LMX1A: variants seen among roughly 807,000 people sequenced by gnomAD.
The protein encoded by LMX1A is LIM homeobox transcription factor 1-alpha.
LMX1A carries 15 observed loss-of-function variants against 49.1 expected under a neutral mutation model. That is an observed-to-expected ratio of 0.31 (90% CI 0.20 to 0.47). LMX1A has a LOEUF of 0.47. Among genes scored for constraint, LMX1A ranks in the 20% least tolerant of loss-of-function variants. LMX1A has a pLI of 1.00. For synonymous variants in LMX1A, 167 were observed against 185.7 expected, an observed-to-expected ratio of 0.90 and a Z score of 0.82; for missense variants, 372 against 475.8, an observed-to-expected ratio of 0.78 and a Z score of 2.03.
At chr1:165,257,747 CAG>C (rs1423329260) in intron 3 of LMX1A, among the ~76,000 whole-genome samples, 1 of 152,148 alleles carries the variant, frequency 6.6e-6, no homozygotes, top group Non-Finnish European at 1.5e-5. Flanking sequence ...GAAGTCCACC[CAG>C]AGAGAGGCTA....
In LMX1A at chr1:165,202,564, C is replaced by G. The variant is rs1351906911; in HGVS notation, c.*1316G>C. The G allele has an allele frequency of 3.9e-5, 6 of 152,188 alleles. No individual in the cohort carries two copies. The highest frequency in any genetic ancestry group is 1.4e-4 in the African/African-American group (6 of 41,524). The allele number at this position is 152,188 out of a possible 1,614,324, so 9.4% of individuals were successfully genotyped here. ...CACAGACAGCCTGTTATATATTCTT[C>G]TTCTCCTTTTTTTTAATGACCTCAA... On this transcript the variant is annotated 3_prime_UTR_variant, in exon 9 of 9. Transcript: ENST00000342310.
intron 4 of LMX1A, among the ~76,000 whole-genome samples, chr1:165,246,465 C>A (rs1276236819): frequency 2.6e-5 from 4 of 152,164 alleles, no homozygotes; most frequent in Non-Finnish European, 5.9e-5. Flanking sequence ...CCCTCCCCTC[C>A]CACCTCATCA....
chr1:165,283,861 T>C (rs1654225879), intron 3 of LMX1A, among the ~76,000 whole-genome samples: 1 of 152,202 alleles, frequency 6.6e-6, no homozygotes, highest in Non-Finnish European at 1.5e-5. Context: ...ACTCTCATTG[T>C]CCACAATATG....
In LMX1A at chr1:165,343,251, C is replaced by T. The variant is rs118059995; in HGVS notation, c.263+9825G>A. 7.3e-4 allele frequency among the ~76,000 whole-genome samples: 111 copies of T among 152,168 alleles called. 3 individuals carry two copies. The East Asian group carries it at 0.021, about 28-fold the overall frequency. On this transcript the variant is annotated intron_variant, in intron 3 of 8. Coordinates refer to ENST00000342310, the MANE Select transcript of LMX1A (RefSeq NM_177398.4). ...GGGCACAGAACAAGTAAGACCCTTG[C>T]CCATGGTAACACAGCTAAGGAACAG...
chr1:165,308,602 C>G (rs1413316446), intron 3 of LMX1A, among the ~76,000 whole-genome samples: 1 of 152,214 alleles, frequency 6.6e-6, no homozygotes, highest in South Asian at 2.1e-4. Flanking sequence ...TTAGTCCTCA[C>G]AACGATTCTA....
At chr1:165,311,749 TCAGGCTTC>T in intron 3 of LMX1A, among the ~76,000 whole-genome samples, 1 of 152,204 alleles carries the variant, frequency 6.6e-6, no homozygotes, top group Admixed American at 6.5e-5. Context: ...AGCAAGCTCT[TCAGGCTTC>T]TCCTGCACAA....
At chr1:165,273,874 T>A (rs938979927) in intron 3 of LMX1A, among the ~76,000 whole-genome samples, 2 of 152,164 alleles carry the variant, frequency 1.3e-5, no homozygotes, top group Non-Finnish European at 2.9e-5. Flanking sequence ...TGGGAGGGCA[T>A]AGAGGACCAT....
intron 2 of LMX1A, among the ~76,000 whole-genome samples, chr1:165,353,729 G>A (rs67338345): frequency 0.3 from 44,871 of 151,978 alleles, 6,752 homozygotes; most frequent in African/African-American, 0.32. Context: ...TTTTGAGGGG[G>A]AACAAAATTT....
intron 4 of LMX1A, among the ~76,000 whole-genome samples, chr1:165,234,085 A>G (rs1652334149): frequency 6.6e-6 from 1 of 152,090 alleles, no homozygotes; most frequent in East Asian, 1.9e-4. Flanking sequence ...ACTTTCCACA[A>G]CCATCAGAGT....
intron 3 of LMX1A, among the ~76,000 whole-genome samples, chr1:165,273,385 A>T (rs1409468202): frequency 6.6e-6 from 1 of 152,144 alleles, no homozygotes; most frequent in African/African-American, 2.4e-5. Context: ...AAGTCCCAAG[A>T]CACACAATCT....
intron 4 of LMX1A, among the ~76,000 whole-genome samples, chr1:165,223,809 TA>T (rs34471342): frequency 0.11 from 16,537 of 144,758 alleles, 948 homozygotes; most frequent in Non-Finnish European, 0.13. Context: ...GTACAAACTT[TA>T]AAAAAAAAAA....
intron 3 of LMX1A, among the ~76,000 whole-genome samples, chr1:165,306,996 G>A (rs1654937209): frequency 6.6e-6 from 1 of 152,264 alleles, no homozygotes; most frequent in Non-Finnish European, 1.5e-5. Flanking sequence ...TCGGGCAGAA[G>A]CCAGAGGCTG....
intron 4 of LMX1A, chr1:165,218,597 G>A (rs1040725107): frequency 5.3e-5 from 8 of 152,244 alleles, no homozygotes; most frequent in African/African-American, 1.9e-4. Context: ...TTTCAGCAGG[G>A]GCAGACCTGC....
At chr1:165,220,783 C>G (rs1651815172) in intron 4 of LMX1A, among the ~76,000 whole-genome samples, 1 of 152,076 alleles carries the variant, frequency 6.6e-6, no homozygotes. Flanking sequence ...AAAGATTACT[C>G]TTTCTACGGG....
chr1:165,290,356 T>C (rs988198602), intron 3 of LMX1A, among the ~76,000 whole-genome samples: 1 of 152,242 alleles, frequency 6.6e-6, no homozygotes, highest in Non-Finnish European at 1.5e-5. Flanking sequence ...TCCTTGCTGC[T>C]TCTGGCTTCT....
intron 3 of LMX1A, among the ~76,000 whole-genome samples, chr1:165,251,050 A>G (rs1653043083): frequency 6.7e-6 from 1 of 149,002 alleles, no homozygotes; most frequent in African/African-American, 2.5e-5. Context: ...GGAGCTGGAC[A>G]TCATCTGGCA....
At chr1:165,242,104 A>G (rs1652675956) in intron 4 of LMX1A, among the ~76,000 whole-genome samples, 1 of 152,216 alleles carries the variant, frequency 6.6e-6, no homozygotes, top group Non-Finnish European at 1.5e-5. Flanking sequence ...AACAGGACAA[A>G]GTGAATTTAT....
chr1:165,236,855 T>G (rs1441365540), intron 4 of LMX1A, among the ~76,000 whole-genome samples: 2 of 143,490 alleles, frequency 1.4e-5, no homozygotes, highest in African/African-American at 5.8e-5. Flanking sequence ...GTTCAAAGTT[T>G]TTTTTTTTTT....
At chr1:165,243,032 T>G (rs1408166542) in intron 4 of LMX1A, among the ~76,000 whole-genome samples, 1 of 151,952 alleles carries the variant, frequency 6.6e-6, no homozygotes, top group African/African-American at 2.4e-5. Context: ...ATGAAAAAAT[T>G]TCATGAAATG....
Sources: gnomAD v4.1 joint callset for allele counts (sites outside exome capture counted in the v4.1 genomes callset) on GRCh38, gnomAD v4.1.1 for gene constraint, MANE v1.5 for transcripts, NCBI Gene and HGNC (gene_info 2026-07-23, HGNC 2026-07-21) for gene names.